The following TMEM116 variants were observed in gnomAD, a reference collection of about 807,000 sequenced individuals.
TMEM116 encodes the protein transmembrane protein 116.
In TMEM116, 38 loss-of-function variants were observed where a neutral mutation model predicts 44.3. The ratio of observed to expected loss-of-function variants is 0.86; its 90% confidence interval spans 0.66 to 1.12. TMEM116 has a LOEUF of 1.12. Ranked by LOEUF, TMEM116 falls within the 50% of genes most tolerant of loss-of-function variation. TMEM116 has a pLI of 0.00. For synonymous variants in TMEM116, 132 were observed against 144.8 expected (o/e 0.91, Z 0.64); for missense variants, 354 against 401.7 (o/e 0.88, Z 1.01).
At position 111,996,207 on chromosome 12, in the gene TMEM116, A is replaced by G. The variant is rs183918776; in HGVS notation, c.79-4318T>C. Among the ~76,000 whole-genome samples the G allele has an allele frequency of 3.3e-5, 5 of 152,210 alleles. No homozygotes were observed. In the East Asian group the frequency reaches 5.8e-4, roughly 18 times the overall value. Reference sequence around the variant, plus strand: ...ACAAAAAGTACTAAAAGAAATAATGAAAAAAATCAACCACATTAAAATGAA... The same window carrying G: ...ACAAAAAGTACTAAAAGAAATAATGGAAAAAATCAACCACATTAAAATGAA... On this transcript the variant is annotated intron_variant, in intron 3 of 10. Transcript: ENST00000552374.
At chr12:112,000,509 C>T (rs1474903546) in intron 3 of TMEM116, among the ~76,000 whole-genome samples, 2 of 151,794 alleles carry the variant, frequency 1.3e-5, no homozygotes, top group Non-Finnish European at 2.9e-5. Flanking sequence ...GTTACTGCCT[C>T]TCATGATCTG....
intron 4 of TMEM116, among the ~76,000 whole-genome samples, chr12:111,963,208 CT>C (rs1206714027): frequency 1.3e-5 from 2 of 152,134 alleles, no homozygotes; most frequent in Non-Finnish European, 2.9e-5. Flanking sequence ...AATAGAAATG[CT>C]TTTACACTGT....
chr12:112,000,250 T>G (rs2136690616), intron 3 of TMEM116, among the ~76,000 whole-genome samples: 1 of 152,296 alleles, frequency 6.6e-6, no homozygotes, highest in South Asian at 2.1e-4. Context: ...ATCACTCAAA[T>G]TACCTATTTA....
chr12:111,960,090 A>G (rs775697747), intron 4 of TMEM116, among the ~76,000 whole-genome samples: 19 of 152,354 alleles, frequency 1.2e-4, no homozygotes, highest in Non-Finnish European at 2.4e-4. Flanking sequence ...AATTGACCAT[A>G]TAATTGGAAA....
intron 3 of TMEM116, chr12:112,000,707 C>T: frequency 1.9e-6 from 1 of 528,624 alleles, no homozygotes; most frequent in South Asian, 1.4e-5. Context: ...GCTAGCATCT[C>T]TTCTGAGTCT....
intron 4 of TMEM116, among the ~76,000 whole-genome samples, chr12:111,974,652 C>T (rs1291730620): frequency 7.7e-6 from 1 of 129,250 alleles, no homozygotes; most frequent in Non-Finnish European, 1.6e-5. Flanking sequence ...GAGACTCTGT[C>T]GCAAAAAAAA....
At chr12:111,979,242 T>C (rs780544886) in intron 4 of TMEM116, among the ~76,000 whole-genome samples, 59 of 152,138 alleles carry the variant, frequency 3.9e-4, no homozygotes, top group Non-Finnish European at 7.5e-4. Context: ...CTCACGTTTA[T>C]GAATGGATGA....
chr12:111,943,433 C>T (rs1254023252), intron 4 of TMEM116, 64 bp from the exon 5 acceptor site: 2 of 1,155,434 alleles, frequency 1.7e-6, no homozygotes, highest in Admixed American at 1.8e-5. Flanking sequence ...GTTCTTTCAA[C>T]ATACTTCATT....
chr12:111,993,763 C>G, intron 3 of TMEM116: 1 of 706,772 alleles, frequency 1.4e-6, no homozygotes, highest in Non-Finnish European at 2.7e-6. Context: ...GACAGAGGAG[C>G]TGGTTGTAAC....
In TMEM116 at chr12:111,938,148, G is replaced by A; in HGVS notation, c.365+13C>T. On this transcript the variant is annotated intron_variant, in intron 6 of 10. Coordinates refer to ENST00000552374, the MANE Select transcript of TMEM116 (RefSeq NM_001193531.2). ...AGTCTACACCTCGCTAAGAAGTAAAGAAAAAATTTTACCTTGAGAAAACAA... is the reference window on the plus strand; with the variant it reads ...AGTCTACACCTCGCTAAGAAGTAAAAAAAAAATTTTACCTTGAGAAAACAA... 2 of 1,585,356 alleles carry A rather than the reference G, an allele frequency of 1.3e-6. No homozygotes were observed. Among genetic ancestry groups the A allele is most frequent in the Non-Finnish European group, 1.7e-6 (2 of 1,163,344 alleles).
intron 4 of TMEM116, among the ~76,000 whole-genome samples, chr12:111,965,393 A>G (rs2074913420): frequency 6.6e-6 from 1 of 152,232 alleles, no homozygotes; most frequent in South Asian, 2.1e-4. Context: ...TCATCCATTT[A>G]TAAGGAGAGT....
At chr12:111,990,594 T>C (rs961869564) in intron 4 of TMEM116, among the ~76,000 whole-genome samples, 1 of 152,200 alleles carries the variant, frequency 6.6e-6, no homozygotes, top group Non-Finnish European at 1.5e-5. Flanking sequence ...TCTTACTAAA[T>C]TGACAGAAAT....
At chr12:111,966,822 G>A (rs960002386) in intron 4 of TMEM116, among the ~76,000 whole-genome samples, 1 of 152,168 alleles carries the variant, frequency 6.6e-6, no homozygotes, top group Non-Finnish European at 1.5e-5. Flanking sequence ...CCTACATCTA[G>A]TCAAAAGATC....
chr12:111,974,178 T>G (rs2075523217), intron 4 of TMEM116, among the ~76,000 whole-genome samples: 1 of 151,912 alleles, frequency 6.6e-6, no homozygotes, highest in African/African-American at 2.4e-5. Flanking sequence ...CTAGAAAAAT[T>G]TCCTCAACTT....
At chr12:111,938,321 G>T in intron 5 of TMEM116, 111 bp from the exon 6 acceptor site, 1 of 719,014 alleles carries the variant, frequency 1.4e-6, no homozygotes, top group Non-Finnish European at 2.1e-6. Flanking sequence ...CCAAAAGCCA[G>T]TTTGCTTCTG....
At chr12:111,963,096 C>A (rs1333689253) in intron 4 of TMEM116, among the ~76,000 whole-genome samples, 3 of 152,136 alleles carry the variant, frequency 2.0e-5, no homozygotes, top group South Asian at 2.1e-4. Flanking sequence ...AAATGCAAAT[C>A]AAAACCACAA....
intron 1 of TMEM116, 53 bp from the exon 2 acceptor site, chr12:112,005,356 C>T (rs2077520571): frequency 8.5e-7 from 1 of 1,180,726 alleles, no homozygotes; most frequent in African/African-American, 1.6e-5. Context: ...ATTGAATATT[C>T]AACCTAAGTT....
chr12:111,939,596 G>A (rs187357520), intron 5 of TMEM116, among the ~76,000 whole-genome samples: 184 of 150,844 alleles, frequency 1.2e-3, no homozygotes, highest in Non-Finnish European at 1.9e-3. Flanking sequence ...CCAGGAGTTC[G>A]AGACTAGCCT....
intron 4 of TMEM116, among the ~76,000 whole-genome samples, chr12:111,951,194 G>C (rs2073707346): frequency 6.6e-6 from 1 of 152,194 alleles, no homozygotes; most frequent in African/African-American, 2.4e-5. Flanking sequence ...GTAGAGAAAA[G>C]GAAATGCTTA....
Sources: gnomAD v4.1 joint callset for allele counts (sites outside exome capture counted in the v4.1 genomes callset) on GRCh38, gnomAD v4.1.1 for gene constraint, MANE v1.5 for transcripts, NCBI Gene and HGNC (gene_info 2026-07-23, HGNC 2026-07-21) for gene names.